TMEM132D: variants seen among roughly 807,000 people sequenced by gnomAD.
TMEM132D encodes the protein mature OL transmembrane protein.
A neutral mutation model predicts 62.3 loss-of-function variants in TMEM132D; 21 were observed. The observed-to-expected ratio is 0.34, with a 90% confidence interval of 0.24 to 0.49. The LOEUF (loss-of-function observed/expected upper bound fraction) is 0.49, where lower values mean the gene tolerates loss of function less well. TMEM132D is among the 20% of genes least tolerant of loss of function. TMEM132D has a pLI of 0.99. For synonymous variants in TMEM132D, 621 were observed against 575.6 expected (o/e 1.08, Z -1.13); for missense variants, 1,346 against 1,402.8 (o/e 0.96, Z 0.65).
intron 1 of TMEM132D, among the ~76,000 whole-genome samples, chr12:129,771,278 T>G (rs1293258115): frequency 6.6e-6 from 1 of 152,214 alleles, no homozygotes; most frequent in African/African-American, 2.4e-5. Context: ...ATACCAACTG[T>G]GCAGGTTTGA....
intron 2 of TMEM132D, among the ~76,000 whole-genome samples, chr12:129,554,440 C>T (rs1434862208): frequency 8.5e-5 from 13 of 152,114 alleles, no homozygotes; most frequent in Non-Finnish European, 2.9e-5. Flanking sequence ...AAGCGTGCAG[C>T]AGAGACACTG....
intron 1 of TMEM132D, among the ~76,000 whole-genome samples, chr12:129,800,934 T>C (rs1226287466): frequency 1.3e-5 from 2 of 152,118 alleles, no homozygotes; most frequent in East Asian, 1.9e-4. Context: ...TTCCCTTTCC[T>C]AGTTAAAGAA....
chr12:129,246,858 G>GA (rs940306968), intron 4 of TMEM132D, among the ~76,000 whole-genome samples: 1 of 152,092 alleles, frequency 6.6e-6, no homozygotes, highest in African/African-American at 2.4e-5. Flanking sequence ...GTGGCAATAG[G>GA]AAAAAGTTAC....
chr12:129,337,260 AGAGCTGTG>A (rs1869311927), intron 4 of TMEM132D, among the ~76,000 whole-genome samples: 1 of 152,164 alleles, frequency 6.6e-6, no homozygotes, highest in Non-Finnish European at 1.5e-5. Context: ...CATGGACTCC[AGAGCTGTG>A]TGTGTTCGAG....
chr12:129,724,579 G>A (rs1326852988), intron 1 of TMEM132D, among the ~76,000 whole-genome samples: 1 of 152,188 alleles, frequency 6.6e-6, no homozygotes, highest in African/African-American at 2.4e-5. Context: ...TTGGAGTACA[G>A]TGGCGTGATC....
chr12:129,365,612 A>G (rs955918297), intron 3 of TMEM132D, among the ~76,000 whole-genome samples: 6 of 152,192 alleles, frequency 3.9e-5, no homozygotes, highest in Middle Eastern at 3.2e-3. Context: ...CCCCTTCTGC[A>G]CTGAGATGCA....
intron 2 of TMEM132D, among the ~76,000 whole-genome samples, chr12:129,679,422 A>G (rs1412034702): frequency 6.6e-6 from 1 of 152,162 alleles, no homozygotes; most frequent in African/African-American, 2.4e-5. Flanking sequence ...AATCAAAGAA[A>G]TAAAAAACAA....
At chr12:129,288,712 A>G (rs978010734) in intron 4 of TMEM132D, among the ~76,000 whole-genome samples, 1 of 152,252 alleles carries the variant, frequency 6.6e-6, no homozygotes, top group East Asian at 1.9e-4. Context: ...CAAAAGGATT[A>G]CAAATAGAAC....
chr12:129,800,090 C>T (rs556039888), intron 1 of TMEM132D, among the ~76,000 whole-genome samples: 9 of 152,288 alleles, frequency 5.9e-5, no homozygotes, highest in Admixed American at 4.6e-4. Flanking sequence ...TAGGGTCCAA[C>T]CCCAGCACAT....
intron 3 of TMEM132D, among the ~76,000 whole-genome samples, chr12:129,387,982 A>G (rs11060302): frequency 1.3e-5 from 1 of 78,658 alleles, no homozygotes; most frequent in African/African-American, 5.1e-5. Flanking sequence ...ACTAACACGA[A>G]TCCTAATATA....
rs150482874 is a variant in TMEM132D, at chr12:129,601,775, A to T, written c.969-70570T>A. ...GGGCATGGTTCATGGAGCCACAAAC[A>T]ATAGTAACATGAAATATCACGGATC... On this transcript the variant is annotated intron_variant, in intron 2 of 8. Coordinates refer to ENST00000422113, the MANE Select transcript of TMEM132D (RefSeq NM_133448.3). 1.2e-3 allele frequency among the ~76,000 whole-genome samples: 187 copies of T among 152,314 alleles called. 1 individual carries two copies. Among genetic ancestry groups the T allele is most frequent in the African/African-American group, 4.3e-3 (179 of 41,570 alleles).
chr12:129,604,672 CA>C (rs1171198980), intron 2 of TMEM132D, among the ~76,000 whole-genome samples: 1 of 152,092 alleles, frequency 6.6e-6, no homozygotes, highest in Non-Finnish European at 1.5e-5. Flanking sequence ...TGCACCTAAC[CA>C]ATTGGAAAAT....
chr12:129,269,844 T>C (rs567325829), intron 4 of TMEM132D, among the ~76,000 whole-genome samples: 18 of 152,290 alleles, frequency 1.2e-4, no homozygotes, highest in Admixed American at 1.0e-3. Flanking sequence ...ATACAGAACC[T>C]AGCTACTTGT....
chr12:129,503,983 A>ATCATCATTATTG (rs1875245863), intron 3 of TMEM132D, among the ~76,000 whole-genome samples: 1 of 64,038 alleles, frequency 1.6e-5, no homozygotes, highest in Non-Finnish European at 2.7e-5. Flanking sequence ...CACTATTGTC[A>ATCATCATTATTG]TCATCATCAT....
At chr12:129,158,846 G>T (rs141387225) in intron 5 of TMEM132D, among the ~76,000 whole-genome samples, 122 of 152,300 alleles carry the variant, frequency 8.0e-4, no homozygotes, top group African/African-American at 2.7e-3. Flanking sequence ...CTGCATGGCT[G>T]GGGAGGTCTC....
intron 2 of TMEM132D, among the ~76,000 whole-genome samples, chr12:129,662,515 C>T (rs1880262470): frequency 6.6e-6 from 1 of 152,192 alleles, no homozygotes; most frequent in Non-Finnish European, 1.5e-5. Context: ...GAGTTATTGG[C>T]CAGGCCCGAT....
intron 3 of TMEM132D, among the ~76,000 whole-genome samples, chr12:129,479,120 A>C (rs1315260488): frequency 2.6e-5 from 4 of 152,172 alleles, no homozygotes; most frequent in Admixed American, 2.6e-4. Flanking sequence ...TGAGGACAAG[A>C]GTGTTCTCTA....
rs1387070322 is a variant in TMEM132D, at chr12:129,314,285, C to T, written c.1299+23349G>A. On this transcript the variant is annotated intron_variant, in intron 4 of 8. Coordinates refer to ENST00000422113, the MANE Select transcript of TMEM132D (RefSeq NM_133448.3). ...AAGTCCTTAATCCATCCTGAGTTGA[C>T]TTTTTTATAAGGTGAGAGATGAGGA... is the stretch of plus-strand genomic sequence containing the variant. Among the ~76,000 whole-genome samples, 3 of 152,230 alleles carry T rather than the reference C, an allele frequency of 2.0e-5. 1 individual carries two copies. In the South Asian group the frequency reaches 6.2e-4, roughly 32 times the overall value.
intron 7 of TMEM132D, among the ~76,000 whole-genome samples, chr12:129,079,137 T>TATCA (rs1434486356): frequency 6.6e-6 from 1 of 152,212 alleles, no homozygotes; most frequent in Non-Finnish European, 1.5e-5. Context: ...AAAGCCTTCC[T>TATCA]ATCACCAGTG....
Sources: gnomAD v4.1 joint callset for allele counts (sites outside exome capture counted in the v4.1 genomes callset) on GRCh38, gnomAD v4.1.1 for gene constraint, MANE v1.5 for transcripts, NCBI Gene and HGNC (gene_info 2026-07-23, HGNC 2026-07-21) for gene names.